Variants in ITSN2 observed in about 807,000 individuals in gnomAD.
The protein encoded by ITSN2 is intersectin-2.
In ITSN2, 156 loss-of-function variants were observed where a neutral mutation model predicts 243.7. The ratio of observed to expected loss-of-function variants is 0.64; its 90% CI spans 0.56 to 0.73. The LOEUF (loss-of-function observed/expected upper bound fraction) is 0.73. Among genes scored for constraint, ITSN2 ranks in the 30% least tolerant of loss-of-function variants. The pLI is 0.00. For synonymous variants in ITSN2, 703 were observed against 699.9 expected (o/e 1.00, Z -0.07); for missense variants, 1,801 against 1,996.1 (o/e 0.90, Z 1.86).
At chr2:24,312,851 G>A (rs1683421193) in intron 4 of ITSN2, among the ~76,000 whole-genome samples, 1 of 152,106 alleles carries the variant, frequency 6.6e-6, no homozygotes, top group South Asian at 2.1e-4. Flanking sequence ...AGCAGGGGAA[G>A]CGAGGACTAA....
intron 1 of ITSN2, among the ~76,000 whole-genome samples, chr2:24,341,767 T>G (rs979916809): frequency 6.6e-6 from 1 of 151,940 alleles, no homozygotes; most frequent in East Asian, 1.9e-4. Context: ...GGCGGGAGAA[T>G]AGCTTGAACC....
chr2:24,245,427 G>A (rs1429041922), intron 29 of ITSN2, among the ~76,000 whole-genome samples: 1 of 151,476 alleles, frequency 6.6e-6, no homozygotes, highest in Non-Finnish European at 1.5e-5. Context: ...AATGGCTTCT[G>A]TACACTAAAA....
intron 29 of ITSN2, among the ~76,000 whole-genome samples, chr2:24,233,558 T>C (rs1277722947): frequency 1.3e-5 from 2 of 152,232 alleles, no homozygotes; most frequent in Non-Finnish European, 2.9e-5. Flanking sequence ...GCTAAGAGAA[T>C]GAGTTCTGAA....
chr2:24,205,351 T>C (rs1026748234), intron 37 of ITSN2, 54 bp from the exon 38 acceptor site: 53 of 1,488,398 alleles, frequency 3.6e-5, no homozygotes, highest in Non-Finnish European at 4.9e-5. Flanking sequence ...ATGCAGACCC[T>C]GTCTTTCAAA....
In ITSN2 at chr2:24,300,734, T is replaced by C. The variant is rs1172459749; in HGVS notation, c.1081+420A>G. ...AAAAAAAAAACTTTTTCAACTTTTT[T>C]CTCTTCTTCAAGGACAATCAAAGCT... On this transcript the variant is annotated intron_variant, in intron 11 of 39. Coordinates refer to ENST00000355123, the MANE Select transcript of ITSN2 (RefSeq NM_006277.3). 2.0e-5 allele frequency among the ~76,000 whole-genome samples: 3 copies of C among 152,238 alleles called. No homozygotes were observed. The East Asian group carries it at 5.8e-4, about 29-fold the overall frequency.
intron 29 of ITSN2, among the ~76,000 whole-genome samples, chr2:24,235,291 G>C (rs1672028601): frequency 6.6e-6 from 1 of 152,056 alleles, no homozygotes; most frequent in Non-Finnish European, 1.5e-5. Context: ...CAAAACTATG[G>C]AGACAGTAAA....
At position 24,348,592 on chromosome 2, in the gene ITSN2, T is replaced by C. The variant is rs1350348862; in HGVS notation, c.-34+11712A>G. Among the ~76,000 whole-genome samples, 3 of 152,262 alleles carry C rather than the reference T, an allele frequency of 2.0e-5. No homozygotes were observed. In the East Asian group the frequency reaches 5.8e-4, roughly 29 times the overall value. On this transcript the variant is annotated intron_variant, in intron 1 of 39. Transcript: ENST00000355123. ...TACCATTTCATCTCAAATCCAGTCA[T>C]GCTACATCCAGTGCTAAAAACTACA...
intron 20 of ITSN2, among the ~76,000 whole-genome samples, chr2:24,264,622 C>A (rs1022274851): frequency 6.6e-6 from 1 of 152,174 alleles, no homozygotes. Flanking sequence ...TCCATTGTTC[C>A]AATACCATTT....
chr2:24,245,754 A>G (rs1294286146), intron 29 of ITSN2, among the ~76,000 whole-genome samples: 1 of 152,186 alleles, frequency 6.6e-6, no homozygotes, highest in Non-Finnish European at 1.5e-5. Flanking sequence ...TGCTGGGATT[A>G]TGGGTGTGGG....
intron 3 of ITSN2, among the ~76,000 whole-genome samples, chr2:24,314,325 G>C (rs1683649141): frequency 1.3e-5 from 2 of 152,194 alleles, no homozygotes; most frequent in Admixed American, 1.3e-4. Context: ...CTGATACCAG[G>C]TAAGGTAATT....
intron 34 of ITSN2, 113 bp from the exon 35 acceptor site, chr2:24,210,146 A>G: frequency 1.4e-6 from 1 of 703,238 alleles, no homozygotes; most frequent in Non-Finnish European, 2.4e-6. Flanking sequence ...CTAGGTGGGA[A>G]TGTGGCTAGA....
intron 18 of ITSN2, among the ~76,000 whole-genome samples, chr2:24,274,277 G>A (rs1677745054): frequency 6.6e-6 from 1 of 152,060 alleles, no homozygotes; most frequent in African/African-American, 2.4e-5. Flanking sequence ...CACAAAAACA[G>A]GGGTCTAGAT....
chr2:24,257,058 T>C (rs976641704), intron 23 of ITSN2, among the ~76,000 whole-genome samples: 1 of 152,194 alleles, frequency 6.6e-6, no homozygotes, highest in African/African-American at 2.4e-5. Flanking sequence ...GGCTCACACC[T>C]GTAATTCCAG....
At chr2:24,340,467 C>T (rs899572932) in intron 1 of ITSN2, among the ~76,000 whole-genome samples, 1 of 149,918 alleles carries the variant, frequency 6.7e-6, no homozygotes, top group African/African-American at 2.5e-5. Flanking sequence ...GGTGACAGAA[C>T]GAAACTCCAT....
intron 7 of ITSN2, 152 bp from the exon 8 acceptor site, chr2:24,308,908 C>T (rs908790788): frequency 6.3e-5 from 38 of 604,004 alleles, no homozygotes; most frequent in Non-Finnish European, 8.7e-5. Context: ...CAGCGGGGCT[C>T]GGTGAGTGGC....
At position 24,203,467 on chromosome 2, in the gene ITSN2, T is replaced by G. The variant is rs1323671470; in HGVS notation, c.*159A>C. On this transcript the variant is annotated 3_prime_UTR_variant, in exon 40 of 40. Coordinates refer to ENST00000355123, the MANE Select transcript of ITSN2 (RefSeq NM_006277.3). Reference sequence around the variant, plus strand: ...TTATGGGAAAGGTGTTTGCATAGATTGCTAGCTATTTAGTGTGCAGGAAAA... The same window carrying G: ...TTATGGGAAAGGTGTTTGCATAGATGGCTAGCTATTTAGTGTGCAGGAAAA... 2.3e-5 allele frequency: 15 copies of G among 664,038 alleles called. No homozygotes were observed. Among genetic ancestry groups the G allele is most frequent in the Non-Finnish European group, 3.2e-5 (13 of 400,156 alleles). The allele number at this position is 664,038 out of a possible 1,614,324, so 41.1% of individuals were successfully genotyped here. A position where few individuals can be genotyped will look rare whatever the true frequency, so the allele number is the denominator to read the frequency against.
chr2:24,313,780 T>C (rs142957143), intron 3 of ITSN2, among the ~76,000 whole-genome samples: 189 of 152,364 alleles, frequency 1.2e-3, no homozygotes, highest in African/African-American at 4.4e-3. Flanking sequence ...TTTTCCACAA[T>C]TGGGGTCTTC....
chr2:24,208,694 C>G (rs749667686), intron 36 of ITSN2, among the ~76,000 whole-genome samples: 1 of 152,164 alleles, frequency 6.6e-6, no homozygotes, highest in Admixed American at 6.5e-5. Flanking sequence ...CTGGGAACAG[C>G]GGGGATGGCA....
chr2:24,358,422 T>C (rs998970891), intron 1 of ITSN2, among the ~76,000 whole-genome samples: 2 of 152,234 alleles, frequency 1.3e-5, no homozygotes, highest in African/African-American at 2.4e-5. Flanking sequence ...TAAATGATTA[T>C]GTAAAACACT....
Sources: gnomAD v4.1 joint callset for allele counts (sites outside exome capture counted in the v4.1 genomes callset) on GRCh38, gnomAD v4.1.1 for gene constraint, MANE v1.5 for transcripts, NCBI Gene and HGNC (gene_info 2026-07-23, HGNC 2026-07-21) for gene names.